The following MLC1 variants were observed in gnomAD, a reference collection of about 807,000 sequenced individuals.
MLC1 encodes modulator of VRAC current 1.
MLC1 carries 32 observed loss-of-function variants against 44.7 expected under a neutral mutation model. The observed-to-expected ratio is 0.72, with a 90% CI of 0.54 to 0.96. MLC1 has a LOEUF of 0.96. Among genes scored for constraint, MLC1 ranks in the 40% least tolerant of loss-of-function variants. MLC1 has a pLI of 0.00. For missense variants in MLC1, 459 were observed against 492.2 expected, an observed-to-expected ratio of 0.93 and a Z score of 0.64; for synonymous variants, 190 against 213.0, an observed-to-expected ratio of 0.89 and a Z score of 0.94.
At chr22:50,074,638 C>G (rs533481734) in intron 7 of MLC1, 10 of 397,792 alleles carry the variant, frequency 2.5e-5, no homozygotes, top group South Asian at 1.9e-4. Context: ...AAACCAAGAC[C>G]CTCAGACTCC....
At chr22:50,076,723 C>T in intron 7 of MLC1, 118 bp downstream of exon 7, 1 of 1,024,282 alleles carries the variant, frequency 9.8e-7, no homozygotes. Flanking sequence ...CGCACGCCGC[C>T]ATGCGGTGTA....
Position 50,077,383 on chromosome 22 carries a change from G to T in MLC1, c.525+18C>A, listed in dbSNP as rs746998223. 1 of 1,607,458 alleles carries T rather than the reference G, an allele frequency of 6.2e-7. No individual in the cohort carries two copies. Among genetic ancestry groups the T allele is most frequent in the Non-Finnish European group, 8.5e-7 (1 of 1,174,456 alleles). On this transcript the variant is annotated intron_variant, in intron 6 of 11. Coordinates refer to ENST00000311597, the MANE Select transcript of MLC1 (RefSeq NM_015166.4). ...GCCTCTGCACCCCCTGCCCTGCGGGGTCAGAAGCTGCACCCACCTTCTTTT... is the reference window on the plus strand; with the variant it reads ...GCCTCTGCACCCCCTGCCCTGCGGGTTCAGAAGCTGCACCCACCTTCTTTT...
intron 11 of MLC1, among the ~76,000 whole-genome samples, chr22:50,063,785 C>T (rs1447643582): frequency 2.7e-5 from 4 of 145,600 alleles, no homozygotes; most frequent in Non-Finnish European, 4.6e-5. Flanking sequence ...CTGGGCCCCC[C>T]ATGGGCCACT....
At chr22:50,063,453 A>G (rs1219291537) in intron 11 of MLC1, among the ~76,000 whole-genome samples, 1 of 147,686 alleles carries the variant, frequency 6.8e-6, no homozygotes, top group Non-Finnish European at 1.5e-5. Context: ...AGTCTGGGTG[A>G]CAGACTGAGA....
chr22:50,069,902 T>C (rs5771145), intron 9 of MLC1, among the ~76,000 whole-genome samples: 18,537 of 151,748 alleles, frequency 0.12, 1,260 homozygotes, highest in South Asian at 0.23. Flanking sequence ...TTGTTTGCGG[T>C]CAGTTTGTGG....
rs921289678 is a variant in MLC1 at position 50,061,860 on chromosome 22, TC to T, written c.1060-204del. On this transcript the variant is annotated intron_variant, in intron 11 of 11. Coordinates refer to ENST00000311597, the MANE Select transcript of MLC1 (RefSeq NM_015166.4). ...CCTCAGTGTCCCAGAAACGCCTGCA[TC>T]CCCCCCCGCACACACGGTTTCTACC... 5.1e-4 allele frequency among the ~76,000 whole-genome samples: 77 copies of T among 150,908 alleles called. 1 individual carries two copies. Among genetic ancestry groups the T allele is most frequent in the Non-Finnish European group, 9.0e-4 (61 of 67,714 alleles).
In MLC1 at chr22:50,083,023, G is replaced by A; in HGVS notation, c.267+61C>T. 6.6e-7 allele frequency: 1 copy of A among 1,515,368 alleles called. No homozygotes were observed. Among genetic ancestry groups the A allele is most frequent in the Non-Finnish European group, 9.2e-7 (1 of 1,091,660 alleles). The allele number at this position is 1,515,368 out of a possible 1,614,324, so 93.9% of individuals were successfully genotyped here. ...AGAAACCTGCACATCTCAGAACAAA[G>A]AAACCAGAGCACGTGCCGGCGAGCT... is the stretch of plus-strand genomic sequence containing the variant. On this transcript the variant is annotated intron_variant, in intron 3 of 11. Transcript: ENST00000311597. This position sits in a 1 kb window ranked among gnomAD's most constrained non-coding sequence, Gnocchi z 4.6.
At chr22:50,064,629 G>A (rs541324201) in intron 10 of MLC1, among the ~76,000 whole-genome samples, 342 of 148,728 alleles carry the variant, frequency 2.3e-3, no homozygotes, top group Non-Finnish European at 4.2e-3. Context: ...CTGGGGGGAT[G>A]GGGTGCACAG....
intron 6 of MLC1, 38 bp downstream of exon 6, chr22:50,077,363 T>C (rs752827227): frequency 6.3e-7 from 1 of 1,584,194 alleles, no homozygotes; most frequent in Admixed American, 1.7e-5. Context: ...GTGATGCCTC[T>C]GCACCCCCTG....
rs774946150 is a variant in MLC1, at chr22:50,061,670, C to G, written c.1060-13G>C. 6.2e-7 allele frequency: 1 copy of G among 1,611,908 alleles called. No individual in the cohort carries two copies. The highest frequency in any genetic ancestry group is 8.5e-7 in the Non-Finnish European group (1 of 1,178,926). ...GGCTCCTGGCCACCTGCAACCGAGA[C>G]AGGAAAGGTGTTACTTCACCAGGGC... On this transcript the variant is annotated splice_polypyrimidine_tract_variant and intron_variant, in intron 11 of 11. Coordinates refer to ENST00000311597, the MANE Select transcript of MLC1 (RefSeq NM_015166.4).
chr22:50,064,330 C>A, intron 10 of MLC1, 132 bp from the exon 11 acceptor site: 1 of 1,042,534 alleles, frequency 9.6e-7, no homozygotes, highest in South Asian at 1.4e-5. Context: ...GTAACCCAAA[C>A]GCATTGCTAT....
In MLC1 at chr22:50,084,886, A is replaced by C. The variant is rs1335108678; in HGVS notation, c.17T>G (p.Phe6Cys). Residue 6 changes from phenylalanine to cysteine, a missense_variant, in exon 2 of 12, where the codon TTC becomes TGC. Coordinates refer to ENST00000311597, the MANE Select transcript of MLC1 (RefSeq NM_015166.4). Reference protein sequence around the residue: MTQEPFREELAYDRMP... With the variant: MTQEPCREELAYDRMP... ...CCGGTCATAGGCCAGCTCCTCTCTG[A>C]ATGGCTCCTGGGTCATGGCACTTGG... The C allele has an allele frequency of 3.1e-6, 5 of 1,612,398 alleles. No homozygotes were observed. The highest frequency in any genetic ancestry group is 1.7e-4 in the Middle Eastern group (1 of 6,054).
intron 9 of MLC1, among the ~76,000 whole-genome samples, chr22:50,069,226 A>C (rs1012126063): frequency 1.3e-5 from 2 of 149,880 alleles, no homozygotes; most frequent in Non-Finnish European, 3.0e-5. Flanking sequence ...ACAGGGTTTC[A>C]CCATATTGTC....
intron 2 of MLC1, 79 bp downstream of exon 2, chr22:50,084,647 G>A: frequency 6.7e-7 from 1 of 1,498,844 alleles, no homozygotes; most frequent in South Asian, 1.1e-5. Context: ...TCCCACCTGG[G>A]GCTCCAGGGC....
At chr22:50,066,425 C>G (rs1014058331) in intron 10 of MLC1, among the ~76,000 whole-genome samples, 1 of 152,168 alleles carries the variant, frequency 6.6e-6, no homozygotes, top group Non-Finnish European at 1.5e-5. Flanking sequence ...TTTGGGAGGC[C>G]GAGACAGGCA....
At chr22:50,071,956 A>T (rs913534388) in intron 8 of MLC1, among the ~76,000 whole-genome samples, 30 of 152,190 alleles carry the variant, frequency 2.0e-4, no homozygotes, top group Non-Finnish European at 3.8e-4. Context: ...CCTGGGCAGC[A>T]GGGAGAAGAC....
chr22:50,079,962 T>C lies in MLC1; in HGVS notation c.379A>G (p.Ile127Val), dbSNP rs757985652. ...STFAVTTTCL[I>V]WFGCKLVLNP... ...AGGACTAGTTTGCATCCAAACCAAA[T>C]TAAACACGTAGTGGTCACAGCAAAC... Residue 127 changes from isoleucine (I) to valine (V), a missense_variant, in exon 5 of 12, where the codon ATT (isoleucine) becomes GTT (valine). Ile to Val is a conservative substitution (Grantham distance 29). Transcript: ENST00000311597. The C allele has an allele frequency of 1.2e-6, 2 of 1,614,010 alleles. No individual in the cohort carries two copies. Among genetic ancestry groups the C allele is most frequent in the Non-Finnish European group, 1.7e-6 (2 of 1,180,008 alleles).
chr22:50,078,234 G>A (rs1015084638), intron 5 of MLC1, among the ~76,000 whole-genome samples: 11 of 151,324 alleles, frequency 7.3e-5, no homozygotes, highest in African/African-American at 1.5e-4. Context: ...CAGGTGTTCC[G>A]CCCACCTCGG....
chr22:50,068,252 C>T (rs557824833), intron 10 of MLC1, among the ~76,000 whole-genome samples, 181 bp downstream of exon 10: 18 of 152,340 alleles, frequency 1.2e-4, no homozygotes, highest in African/African-American at 4.1e-4. Flanking sequence ...GGCCCCGAGG[C>T]CCTGGGGCCA....
Sources: allele counts gnomAD v4.1 joint callset (sites outside exome capture counted in the v4.1 genomes callset), GRCh38; gene constraint gnomAD v4.1.1; non-coding constraint Gnocchi (gnomAD v3.1); transcripts MANE v1.5; gene names NCBI Gene and HGNC (gene_info 2026-07-23, HGNC 2026-07-21).